BTBD9: variants seen among roughly 807,000 people sequenced by gnomAD.
The protein encoded by BTBD9 is BTB domain containing 9.
A neutral mutation model predicts 64.3 loss-of-function variants in BTBD9; 49 were observed. The observed-to-expected ratio is 0.76, with a 90% CI of 0.61 to 0.97. The LOEUF is 0.97. Ranked by LOEUF, BTBD9 falls within the 50% of genes least tolerant of loss-of-function variation. BTBD9 has a pLI of 0.00. For synonymous variants in BTBD9, 260 were observed against 274.7 expected, an observed-to-expected ratio of 0.95 and a Z score of 0.53; for missense variants, 598 against 762.1, an observed-to-expected ratio of 0.78 and a Z score of 2.53.
chr6:38,280,716 T>C (rs987043650), intron 8 of BTBD9, among the ~76,000 whole-genome samples: 5 of 152,222 alleles, frequency 3.3e-5, no homozygotes, highest in African/African-American at 9.7e-5. Flanking sequence ...TGTCATCACC[T>C]GTGCTAATGT....
chr6:38,328,503 T>C (rs1472436846), intron 7 of BTBD9, among the ~76,000 whole-genome samples: 1 of 151,740 alleles, frequency 6.6e-6, no homozygotes, highest in Non-Finnish European at 1.5e-5. Flanking sequence ...ACCTTGATCT[T>C]GATCTTGGAC....
At chr6:38,372,320 A>T (rs770756242) in intron 6 of BTBD9, among the ~76,000 whole-genome samples, 97 of 152,358 alleles carry the variant, frequency 6.4e-4, no homozygotes, top group Non-Finnish European at 1.1e-3. Flanking sequence ...CATTATTAAA[A>T]GATGTTAAGC....
intron 6 of BTBD9, among the ~76,000 whole-genome samples, chr6:38,365,959 C>G (rs959627381): frequency 6.6e-6 from 1 of 152,104 alleles, no homozygotes; most frequent in Non-Finnish European, 1.5e-5. Context: ...GAAGAAAGAA[C>G]AGAAAACAGA....
At chr6:38,375,537 C>A (rs1765646653) in intron 6 of BTBD9, among the ~76,000 whole-genome samples, 1 of 152,124 alleles carries the variant, frequency 6.6e-6, no homozygotes, top group South Asian at 2.1e-4. Flanking sequence ...GAACATCTTC[C>A]ACATTTTTGT....
chr6:38,223,986 G>C (rs977498226), intron 9 of BTBD9, among the ~76,000 whole-genome samples: 1 of 152,102 alleles, frequency 6.6e-6, no homozygotes, highest in East Asian at 1.9e-4. Context: ...GCCAAAGCAG[G>C]CTGACTGCTT....
chr6:38,626,364 G>C (rs182409432), intron 1 of BTBD9, among the ~76,000 whole-genome samples: 1 of 152,118 alleles, frequency 6.6e-6, no homozygotes, highest in African/African-American at 2.4e-5. Flanking sequence ...ATTATTATTG[G>C]CTATAGTCAC....
chr6:38,498,934 T>C (rs1158022955), intron 6 of BTBD9, among the ~76,000 whole-genome samples: 1 of 152,216 alleles, frequency 6.6e-6, no homozygotes, highest in Non-Finnish European at 1.5e-5. Flanking sequence ...CACACATTTT[T>C]ATCCACATCA....
chr6:38,308,541 C>G (rs1044128171), intron 7 of BTBD9, among the ~76,000 whole-genome samples: 1 of 152,154 alleles, frequency 6.6e-6, no homozygotes, highest in African/African-American at 2.4e-5. Flanking sequence ...ATTTATTTTT[C>G]CTTCTTCCCT....
At chr6:38,374,312 T>TAC (rs1765585439) in intron 6 of BTBD9, among the ~76,000 whole-genome samples, 1 of 117,268 alleles carries the variant, frequency 8.5e-6, no homozygotes, top group Non-Finnish European at 1.7e-5. Flanking sequence ...TATATGTATA[T>TAC]ATATATATAT....
intron 6 of BTBD9, among the ~76,000 whole-genome samples, chr6:38,509,777 G>GCA (rs1686060121): frequency 6.6e-6 from 1 of 152,174 alleles, no homozygotes; most frequent in Admixed American, 6.5e-5. Context: ...AGCAGCCTCA[G>GCA]TATATATTTG....
intron 1 of BTBD9, among the ~76,000 whole-genome samples, chr6:38,600,067 G>A (rs528422346): frequency 3.9e-5 from 6 of 152,280 alleles, no homozygotes; most frequent in African/African-American, 1.4e-4. Context: ...AGCTTAAGAG[G>A]ATCTATTTGA....
At chr6:38,439,422 C>T (rs1257572508) in intron 6 of BTBD9, among the ~76,000 whole-genome samples, 2 of 151,416 alleles carry the variant, frequency 1.3e-5, no homozygotes, top group South Asian at 2.1e-4. Context: ...GTCACCATGC[C>T]CAGCCTGTTT....
At chr6:38,572,081 T>C (rs532462630) in intron 6 of BTBD9, among the ~76,000 whole-genome samples, 26 of 152,058 alleles carry the variant, frequency 1.7e-4, no homozygotes, top group Admixed American at 8.5e-4. Flanking sequence ...CTCTGGCCTT[T>C]TCTAACCATC....
At chr6:38,337,597 T>G (rs2127585693) in intron 7 of BTBD9, among the ~76,000 whole-genome samples, 1 of 152,328 alleles carries the variant, frequency 6.6e-6, no homozygotes, top group East Asian at 1.9e-4. Flanking sequence ...TACTTAACCT[T>G]TCTCCACACC....
chr6:38,179,273 A>C, intron 10 of BTBD9: 1 of 356,400 alleles, frequency 2.8e-6, no homozygotes, highest in Non-Finnish European at 5.6e-6. Flanking sequence ...ACAAACCTTT[A>C]AACCTTGGAA....
intron 6 of BTBD9, among the ~76,000 whole-genome samples, chr6:38,459,643 G>T (rs922151074): frequency 6.6e-6 from 1 of 152,138 alleles, no homozygotes; most frequent in Non-Finnish European, 1.5e-5. Context: ...ATGTCAACAA[G>T]AAATAGACTT....
intron 1 of BTBD9, among the ~76,000 whole-genome samples, chr6:38,632,825 A>G (rs1778406670): frequency 6.6e-6 from 1 of 152,114 alleles, no homozygotes; most frequent in Non-Finnish European, 1.5e-5. Flanking sequence ...CCAGCTACTC[A>G]GAAGCCTGAG....
At position 38,492,239 on chromosome 6, in the gene BTBD9, C is replaced by A. The variant is rs554834284; in HGVS notation, c.1154+85361G>T. 2.6e-5 allele frequency among the ~76,000 whole-genome samples: 4 copies of A among 152,254 alleles called. No homozygotes were observed. The South Asian group carries it at 8.3e-4, about 32-fold the overall frequency. On this transcript the variant is annotated intron_variant, in intron 6 of 10. Coordinates refer to ENST00000481247, the MANE Select transcript of BTBD9 (RefSeq NM_001099272.2). Reference sequence around the variant, plus strand: ...TCAACAGCACCCCTTCAGGACTGCACCCTAAGTTTTTAAAGGAGGGAGATG... The same window carrying A: ...TCAACAGCACCCCTTCAGGACTGCAACCTAAGTTTTTAAAGGAGGGAGATG...
chr6:38,280,009 A>ATT (rs149272095), intron 8 of BTBD9, among the ~76,000 whole-genome samples: 9 of 148,730 alleles, frequency 6.1e-5, no homozygotes, highest in Non-Finnish European at 1.2e-4. Flanking sequence ...ACACAAACAT[A>ATT]TTTTTTTTTT....
Sources: gnomAD v4.1 joint callset for allele counts (sites outside exome capture counted in the v4.1 genomes callset) on GRCh38, gnomAD v4.1.1 for gene constraint, MANE v1.5 for transcripts, NCBI Gene and HGNC (gene_info 2026-07-23, HGNC 2026-07-21) for gene names.